CDH13: variants seen among roughly 807,000 people sequenced by gnomAD.
The protein encoded by CDH13 is cadherin-13.
CDH13 carries 24 observed loss-of-function variants against 63.8 expected under a neutral mutation model. That is an observed-to-expected ratio of 0.38 (90% CI 0.27 to 0.53). The LOEUF (loss-of-function observed/expected upper bound fraction) is 0.53, where lower values mean the gene tolerates loss of function less well. Among genes scored for constraint, CDH13 ranks in the 20% least tolerant of loss-of-function variants. The probability of loss-of-function intolerance (pLI) is 0.85; values close to 1 mark genes in which losing one functional copy is unlikely to be tolerated. For synonymous variants in CDH13, 503 were observed against 355.3 expected (o/e 1.42, Z -4.67); for missense variants, 1,049 against 903.1 (o/e 1.16, Z -2.07).
intron 6 of CDH13, among the ~76,000 whole-genome samples, chr16:83,398,523 G>T (rs1194193595): frequency 6.6e-6 from 1 of 152,098 alleles, no homozygotes; most frequent in African/African-American, 2.4e-5. Flanking sequence ...CATTACATCT[G>T]CAAAGACACA....
chr16:83,560,633 A>T (rs1478500225), intron 7 of CDH13, among the ~76,000 whole-genome samples: 1 of 152,188 alleles, frequency 6.6e-6, no homozygotes, highest in Non-Finnish European at 1.5e-5. Context: ...TGTAATGTTG[A>T]TGAGAAAACA....
At chr16:83,558,792 T>G (rs1567762960) in intron 7 of CDH13, among the ~76,000 whole-genome samples, 1 of 152,176 alleles carries the variant, frequency 6.6e-6, no homozygotes, top group Non-Finnish European at 1.5e-5. Flanking sequence ...GAGAAATAAC[T>G]TCAGGGAAAG....
chr16:83,645,566 T>G (rs2150809921), intron 8 of CDH13, among the ~76,000 whole-genome samples: 1 of 152,074 alleles, frequency 6.6e-6, no homozygotes, highest in African/African-American at 2.4e-5. Context: ...TAAAATAATT[T>G]TTTTAAAGGT....
At chr16:82,894,840 C>G (rs1390776856) in intron 2 of CDH13, among the ~76,000 whole-genome samples, 1 of 152,126 alleles carries the variant, frequency 6.6e-6, no homozygotes, top group Non-Finnish European at 1.5e-5. Flanking sequence ...TGAGTGTGCT[C>G]TAACCAGAGA....
chr16:83,543,495 C>A (rs2075329826), intron 7 of CDH13, among the ~76,000 whole-genome samples: 1 of 152,182 alleles, frequency 6.6e-6, no homozygotes, highest in Non-Finnish European at 1.5e-5. Flanking sequence ...AGTGAGAATT[C>A]ATCTCTATTT....
intron 2 of CDH13, among the ~76,000 whole-genome samples, chr16:82,865,622 A>AT (rs1169031684): frequency 2.0e-5 from 3 of 152,056 alleles, no homozygotes; most frequent in Non-Finnish European, 4.4e-5. Flanking sequence ...CCATGAGACC[A>AT]TTTTTTCCTC....
intron 8 of CDH13, among the ~76,000 whole-genome samples, chr16:83,624,408 A>ACG (rs1910094506): frequency 2.6e-5 from 4 of 151,336 alleles, no homozygotes; most frequent in Non-Finnish European, 5.9e-5. Context: ...GTAGAACACA[A>ACG]TTTTTTCACA....
intron 6 of CDH13, among the ~76,000 whole-genome samples, chr16:83,377,627 AT>A (rs1458239608): frequency 2.6e-5 from 4 of 152,346 alleles, no homozygotes; most frequent in African/African-American, 9.6e-5. Flanking sequence ...AGCAAAAGTC[AT>A]TGAATTGAAA....
At chr16:82,957,788 A>G (rs958773851) in intron 2 of CDH13, among the ~76,000 whole-genome samples, 50 of 152,266 alleles carry the variant, frequency 3.3e-4, no homozygotes, top group African/African-American at 1.2e-3. Context: ...TATCTGGCCA[A>G]TGATTAGCAC....
intron 1 of CDH13, among the ~76,000 whole-genome samples, chr16:82,812,187 C>T (rs1264008496): frequency 1.3e-5 from 2 of 152,160 alleles, no homozygotes; most frequent in South Asian, 2.1e-4. Flanking sequence ...GATGGCCCCT[C>T]TTCGAAGGAT....
chr16:83,231,787 C>T (rs1032283464), intron 5 of CDH13, among the ~76,000 whole-genome samples: 14 of 152,120 alleles, frequency 9.2e-5, no homozygotes, highest in African/African-American at 3.4e-4. Flanking sequence ...GATGTTTGTC[C>T]CCTCCACATC....
intron 2 of CDH13, among the ~76,000 whole-genome samples, chr16:82,943,497 C>T (rs1031283906): frequency 2.6e-5 from 4 of 152,184 alleles, no homozygotes; most frequent in Non-Finnish European, 5.9e-5. Context: ...TGATTATTCG[C>T]ATAAGACCCT....
At chr16:82,931,399 C>T (rs1470012896) in intron 2 of CDH13, among the ~76,000 whole-genome samples, 2 of 152,204 alleles carry the variant, frequency 1.3e-5, no homozygotes, top group East Asian at 1.9e-4. Context: ...CTTGGACTCA[C>T]ATCCTACTTT....
chr16:82,732,680 C>T (rs985075150), intron 1 of CDH13, among the ~76,000 whole-genome samples: 7 of 152,272 alleles, frequency 4.6e-5, no homozygotes, highest in African/African-American at 1.4e-4. Context: ...TTTTCTAGTC[C>T]GTGTGCTAGT....
At chr16:82,814,434 G>C (rs2037601554) in intron 1 of CDH13, among the ~76,000 whole-genome samples, 1 of 152,086 alleles carries the variant, frequency 6.6e-6, no homozygotes, top group African/African-American at 2.4e-5. Context: ...TGAAGACTGA[G>C]TTGATCACCA....
intron 4 of CDH13, chr16:83,180,953 A>T: frequency 6.5e-7 from 1 of 1,532,590 alleles, no homozygotes; most frequent in Non-Finnish European, 8.7e-7. Context: ...CAATTTTAGC[A>T]ATTTAATGAA....
intron 2 of CDH13, chr16:83,022,864 A>T (rs1915472170): frequency 6.6e-6 from 1 of 152,268 alleles, no homozygotes; most frequent in East Asian, 1.9e-4. Flanking sequence ...AAGCACGCTT[A>T]TAAGAATAGC....
intron 4 of CDH13, among the ~76,000 whole-genome samples, chr16:83,185,396 G>C (rs571552118): frequency 6.6e-6 from 1 of 152,196 alleles, no homozygotes; most frequent in African/African-American, 2.4e-5. Context: ...TTTCTGTGTT[G>C]CTGTAAAAAT....
At chr16:83,328,912 T>G (rs1365630085) in intron 5 of CDH13, among the ~76,000 whole-genome samples, 4 of 152,218 alleles carry the variant, frequency 2.6e-5, no homozygotes, top group Admixed American at 2.6e-4. Context: ...AAGGTGGTTC[T>G]GATTATTTGT....
Sources: allele counts gnomAD v4.1 joint callset (sites outside exome capture counted in the v4.1 genomes callset), GRCh38; gene constraint gnomAD v4.1.1; transcripts MANE v1.5; gene names NCBI Gene and HGNC (gene_info 2026-07-23, HGNC 2026-07-21).